The following ESRRB variants were observed in gnomAD, a reference collection of about 807,000 sequenced individuals.
ESRRB encodes steroid hormone receptor ERR2.
Under a neutral mutation model 46.0 loss-of-function variants are expected in ESRRB, and 16 were observed. That is an observed-to-expected ratio of 0.35 (90% CI 0.24 to 0.53). ESRRB has a LOEUF of 0.53. Among genes scored for constraint, ESRRB ranks in the 20% least tolerant of loss-of-function variants. ESRRB has a pLI of 0.93. For missense variants in ESRRB, 488 were observed against 607.4 expected, an observed-to-expected ratio of 0.80 and a Z score of 2.07; for synonymous variants, 246 against 259.6, an observed-to-expected ratio of 0.95 and a Z score of 0.50.
At chr14:76,312,644 A>C (rs757865815) in intron 1 of ESRRB, among the ~76,000 whole-genome samples, 3 of 151,890 alleles carry the variant, frequency 2.0e-5, no homozygotes, top group Non-Finnish European at 4.4e-5. Flanking sequence ...TGTCTTATAC[A>C]TATAGCATTA....
At chr14:76,408,517 G>A (rs1317506608) in intron 1 of ESRRB, among the ~76,000 whole-genome samples, 2 of 150,346 alleles carry the variant, frequency 1.3e-5, no homozygotes, top group East Asian at 3.9e-4. Context: ...GCTTGAGCCT[G>A]GGAGGTCAAG....
At chr14:76,369,869 T>C (rs1884578886), upstream of ESRRB, among the ~76,000 whole-genome samples, 1 of 152,224 alleles carries the variant, frequency 6.6e-6, no homozygotes, top group Non-Finnish European at 1.5e-5. Context: ...AAGTTTCCCA[T>C]ATTTTGTGGT....
In ESRRB at chr14:76,491,694, G is replaced by A; in HGVS notation, c.1098G>A (p.Lys366=). The stretch of plus-strand genomic sequence containing the variant: ...AGAAGGAGGAGTTTGTGACGCTCAA[G>A]GCCCTGGCCCTCGCCAACTCCGGTA... ...KVEKEEFVTL[K]ALALANSDSM... Residue 366 remains lysine, a synonymous_variant, in exon 6 of 7, where the codon AAG becomes AAA. Transcript: ENST00000644823. 1 of 1,583,386 alleles carries A rather than the reference G, an allele frequency of 6.3e-7. No homozygotes were observed. The highest frequency in any genetic ancestry group is 8.6e-7 in the Non-Finnish European group (1 of 1,166,692).
At chr14:76,491,054 A>G (rs1305326447) in intron 5 of ESRRB, among the ~76,000 whole-genome samples, 2 of 152,182 alleles carry the variant, frequency 1.3e-5, no homozygotes, top group Non-Finnish European at 1.5e-5. Flanking sequence ...GAAACTCCCC[A>G]GAGTGGCCGA....
In ESRRB at chr14:76,500,613, C is replaced by T; in HGVS notation, c.*2155C>T. The T allele has an allele frequency of 6.8e-7, 1 of 1,464,000 alleles. No individual in the cohort carries two copies. The highest frequency in any genetic ancestry group is 9.6e-7 in the Non-Finnish European group (1 of 1,045,462). 90.7% of individuals were successfully genotyped at this position (1,464,000 alleles called of 1,614,324 possible). Reference sequence around the variant, plus strand: ...GCAGCGGGGCCGAGGTAGCACCCTGCTCTGTCACTTCCTGCTCAAGCTGGA... The same window carrying T: ...GCAGCGGGGCCGAGGTAGCACCCTGTTCTGTCACTTCCTGCTCAAGCTGGA... On this transcript the variant is annotated 3_prime_UTR_variant, in exon 7 of 7. Coordinates refer to ENST00000644823, the MANE Select transcript of ESRRB (RefSeq NM_001379180.1).
At chr14:76,360,802 C>T (rs930640660) in intron 1 of ESRRB, among the ~76,000 whole-genome samples, 1 of 152,184 alleles carries the variant, frequency 6.6e-6, no homozygotes, top group Admixed American at 6.5e-5. Context: ...AGGCCTGTTG[C>T]TCTGCCCTAC....
chr14:76,314,967 C>T (rs78240988), intron 1 of ESRRB, among the ~76,000 whole-genome samples: 1 of 152,196 alleles, frequency 6.6e-6, no homozygotes, highest in Non-Finnish European at 1.5e-5. Context: ...CTGCCACCAA[C>T]CAAGTGAGCA....
chr14:76,462,822 G>A (rs1031485711), intron 3 of ESRRB, among the ~76,000 whole-genome samples, 161 bp downstream of exon 3: 1 of 152,142 alleles, frequency 6.6e-6, no homozygotes, highest in Non-Finnish European at 1.5e-5. Flanking sequence ...CACGGCGCCC[G>A]CATGGCTCTC....
chr14:76,387,655 C>T (rs4307872), intron 1 of ESRRB, among the ~76,000 whole-genome samples: 15 of 152,314 alleles, frequency 9.8e-5, no homozygotes, highest in Non-Finnish European at 1.8e-4. Context: ...CTGGAAAGTG[C>T]TCAGGTCTGA....
Position 76,448,325 on chromosome 14 carries a change from T to TA in ESRRB, c.460+8576dup, listed in dbSNP as rs1434861825. ...CCTAAGGCACAGGGTTACATTTACTTACCTTTTTTTTTTTTTTTTTGAGAC... is the reference window on the plus strand; with the variant it reads ...CCTAAGGCACAGGGTTACATTTACTTAACCTTTTTTTTTTTTTTTTTGAGAC... On this transcript the variant is annotated intron_variant, in intron 2 of 6. Coordinates refer to ENST00000644823, the MANE Select transcript of ESRRB (RefSeq NM_001379180.1). 1.3e-4 allele frequency among the ~76,000 whole-genome samples: 19 copies of TA among 144,442 alleles called. No individual in the cohort carries two copies. In the South Asian group the frequency reaches 2.9e-3, roughly 22 times the overall value. 94.8% of individuals were successfully genotyped at this position (144,442 alleles called of 152,430 possible).
intron 1 of ESRRB, among the ~76,000 whole-genome samples, chr14:76,431,800 T>G (rs1438749981): frequency 3.3e-5 from 5 of 152,144 alleles, no homozygotes; most frequent in African/African-American, 4.8e-5. Flanking sequence ...AGTGGGGAAC[T>G]GGGTCCCAGC....
At chr14:76,403,116 GA>G (rs1266529947) in intron 1 of ESRRB, among the ~76,000 whole-genome samples, 3 of 152,230 alleles carry the variant, frequency 2.0e-5, no homozygotes, top group Admixed American at 2.0e-4. Context: ...GCTGCACTTA[GA>G]GGGTGTTTAC....
At chr14:76,389,553 G>A (rs1217903589) in intron 1 of ESRRB, among the ~76,000 whole-genome samples, 1 of 152,176 alleles carries the variant, frequency 6.6e-6, no homozygotes, top group Non-Finnish European at 1.5e-5. Context: ...TTTTGCCCTG[G>A]TTGAGCCATG....
rs536753362 is a variant in ESRRB, at chr14:76,386,513, G to A, written c.50+10062G>A. On this transcript the variant is annotated intron_variant, in intron 1 of 6. Transcript: ENST00000644823. Reference sequence around the variant, plus strand: ...ACTCTGTCACCCAGTCTGGAGTGCAGTGACACGATCTCGGCTCACTGTAAC... The same window carrying A: ...ACTCTGTCACCCAGTCTGGAGTGCAATGACACGATCTCGGCTCACTGTAAC... Among the ~76,000 whole-genome samples the A allele has an allele frequency of 7.3e-4, 106 of 144,892 alleles. No individual in the cohort carries two copies. The Middle Eastern group carries it at 0.018, about 25-fold the overall frequency.
chr14:76,355,902 C>T (rs540724088), intron 1 of ESRRB, among the ~76,000 whole-genome samples: 6 of 152,254 alleles, frequency 3.9e-5, no homozygotes, highest in Non-Finnish European at 7.3e-5. Context: ...CACCCTGGCC[C>T]CAGGTGTCTG....
chr14:76,488,096 G>C (rs981328059), intron 5 of ESRRB, among the ~76,000 whole-genome samples: 1 of 151,898 alleles, frequency 6.6e-6, no homozygotes, highest in East Asian at 1.9e-4. Context: ...CTCCCATTCC[G>C]ACCTCCTAAA....
intron 3 of ESRRB, among the ~76,000 whole-genome samples, chr14:76,481,229 G>C (rs540932423): frequency 6.6e-6 from 1 of 152,200 alleles, no homozygotes; most frequent in Non-Finnish European, 1.5e-5. Context: ...CTGTGCCTTC[G>C]ATCTGCTGGT....
At position 76,338,868 on chromosome 14, in the gene ESRRB, G is replaced by A. The variant is rs1465945457; in HGVS notation, c.2+27952G>A. Reference sequence around the variant, plus strand: ...TGAGGCAGGAGAATCTCTTGAACCAGGGAGGTGGAGGTTGCAGTGAGCCAA... The same window carrying A: ...TGAGGCAGGAGAATCTCTTGAACCAAGGAGGTGGAGGTTGCAGTGAGCCAA... On this transcript the variant is annotated intron_variant, in intron 1 of 6. Transcript: ENST00000512784. 1.3e-5 allele frequency among the ~76,000 whole-genome samples: 2 copies of A among 152,198 alleles called. 1 individual carries two copies. The highest frequency in any genetic ancestry group is 2.9e-5 in the Non-Finnish European group (2 of 68,032).
chr14:76,401,429 ACT>A (rs1885938651), intron 1 of ESRRB, among the ~76,000 whole-genome samples: 1 of 152,162 alleles, frequency 6.6e-6, no homozygotes, highest in Admixed American at 6.5e-5. Flanking sequence ...CATTCGTGGA[ACT>A]TTAGTACTGC....
Sources: allele counts gnomAD v4.1 joint callset (sites outside exome capture counted in the v4.1 genomes callset), GRCh38; gene constraint gnomAD v4.1.1; transcripts MANE v1.5; gene names NCBI Gene and HGNC (gene_info 2026-07-23, HGNC 2026-07-21).